Variants in PLXNA4 observed in about 807,000 individuals in gnomAD.
PLXNA4 encodes plexin-A4.
A neutral mutation model predicts 191.8 loss-of-function variants in PLXNA4; 44 were observed. The observed-to-expected ratio is 0.23, with a 90% confidence interval of 0.18 to 0.29. PLXNA4 has a LOEUF of 0.29. PLXNA4 is among the 10% of genes least tolerant of loss of function. The probability of loss-of-function intolerance (pLI) is 1.00; values close to 1 mark genes in which losing one functional copy is unlikely to be tolerated. For missense variants in PLXNA4, 1,800 were observed against 2,488.8 expected (o/e 0.72, Z 5.89); for synonymous variants, 1,082 against 1,009.5 (o/e 1.07, Z -1.36).
At chr7:132,467,930 C>G (rs1796772850) in intron 3 of PLXNA4, among the ~76,000 whole-genome samples, 1 of 152,222 alleles carries the variant, frequency 6.6e-6, no homozygotes, top group South Asian at 2.1e-4. Context: ...CTTAATGAAA[C>G]ACCTGTCCCC....
intron 3 of PLXNA4, among the ~76,000 whole-genome samples, chr7:132,400,769 A>G (rs1683764002): frequency 6.6e-6 from 1 of 152,208 alleles, no homozygotes. Flanking sequence ...CTCCTCGGGA[A>G]AGCTCCCTGC....
chr7:132,346,310 T>C (rs1388819961), intron 3 of PLXNA4, among the ~76,000 whole-genome samples: 1 of 152,226 alleles, frequency 6.6e-6, no homozygotes. Context: ...TTTGGTCCAC[T>C]ATCAGGAAGG....
intron 4 of PLXNA4, among the ~76,000 whole-genome samples, chr7:132,247,539 G>A (rs967636363): frequency 6.6e-6 from 1 of 152,202 alleles, no homozygotes; most frequent in African/African-American, 2.4e-5. Context: ...CCCGAGCAGA[G>A]GAAGTAGAGT....
At chr7:132,582,441 A>G (rs1325654234) in intron 2 of PLXNA4, among the ~76,000 whole-genome samples, 1 of 152,196 alleles carries the variant, frequency 6.6e-6, no homozygotes, top group Non-Finnish European at 1.5e-5. Flanking sequence ...GCCCTCATAC[A>G]GTCTGCTCCC....
intron 1 of PLXNA4, among the ~76,000 whole-genome samples, chr7:132,521,478 C>T (rs925400788): frequency 1.2e-4 from 18 of 152,258 alleles, no homozygotes; most frequent in African/African-American, 4.1e-4. Context: ...GATTTGGGTC[C>T]CAGTCTCCGA....
At chr7:132,146,399 G>A in intron 28 of PLXNA4, 111 bp downstream of exon 28, 5 of 1,571,154 alleles carry the variant, frequency 3.2e-6, no homozygotes, top group Non-Finnish European at 4.4e-6. Context: ...GGGTAATAGA[G>A]TGGGCACCAG....
At chr7:132,385,330 T>C (rs758084438) in intron 3 of PLXNA4, 2 of 1,590,288 alleles carry the variant, frequency 1.3e-6, no homozygotes, top group East Asian at 4.5e-5. Context: ...ACTTAGACCA[T>C]GGTGCACAAG....
At chr7:132,484,807 A>G (rs1797480364) in intron 3 of PLXNA4, 14 of 1,613,650 alleles carry the variant, frequency 8.7e-6, no homozygotes, top group Non-Finnish European at 1.0e-5. Flanking sequence ...TCAAATTTCC[A>G]GAGTAATTTT....
chr7:132,470,343 TG>T (rs1432144207), intron 3 of PLXNA4, among the ~76,000 whole-genome samples: 1 of 152,162 alleles, frequency 6.6e-6, no homozygotes, highest in Non-Finnish European at 1.5e-5. Flanking sequence ...CAAAGTTTGG[TG>T]GGATTGTCAG....
intron 3 of PLXNA4, among the ~76,000 whole-genome samples, chr7:132,397,666 C>G (rs1245749168): frequency 6.6e-6 from 1 of 152,236 alleles, no homozygotes; most frequent in Non-Finnish European, 1.5e-5. Context: ...CCCACTGTCT[C>G]TACCACCTGA....
chr7:132,569,120 A>C (rs1801860951), intron 1 of PLXNA4, among the ~76,000 whole-genome samples: 1 of 152,226 alleles, frequency 6.6e-6, no homozygotes, highest in African/African-American at 2.4e-5. Context: ...ACAGCAGACC[A>C]GAAGGACCTG....
intron 4 of PLXNA4, among the ~76,000 whole-genome samples, chr7:132,278,447 T>C (rs1243644030): frequency 6.6e-6 from 1 of 152,190 alleles, no homozygotes; most frequent in East Asian, 1.9e-4. Flanking sequence ...TCTTTATTTC[T>C]TTGTTTTCAA....
chr7:132,385,081 T>G (rs1339515479), intron 3 of PLXNA4: 1 of 1,541,714 alleles, frequency 6.5e-7, no homozygotes, highest in African/African-American at 1.4e-5. Context: ...TGAGCTATGA[T>G]GTATGGCTGG....
At chr7:132,373,154 T>C (rs1444896329) in intron 3 of PLXNA4, among the ~76,000 whole-genome samples, 1 of 152,142 alleles carries the variant, frequency 6.6e-6, no homozygotes, top group African/African-American at 2.4e-5. Context: ...CATGATGTGG[T>C]CAGGCAGTAG....
intron 3 of PLXNA4, among the ~76,000 whole-genome samples, chr7:132,447,966 A>G (rs1231590189): frequency 1.3e-5 from 2 of 152,104 alleles, no homozygotes; most frequent in Admixed American, 1.3e-4. Context: ...AGCCAAGATG[A>G]TGGCGCTGCA....
chr7:132,247,401 A>G (rs900271829), intron 4 of PLXNA4, among the ~76,000 whole-genome samples: 43 of 151,734 alleles, frequency 2.8e-4, no homozygotes, highest in African/African-American at 9.9e-4. Flanking sequence ...CAAAATTGTC[A>G]AAAAAGAAAG....
At chr7:132,643,473 A>G (rs1803793992) in intron 2 of PLXNA4, among the ~76,000 whole-genome samples, 2 of 150,326 alleles carry the variant, frequency 1.3e-5, no homozygotes, top group African/African-American at 4.9e-5. Context: ...CAAATGCTGC[A>G]TAATCAAGCT....
intron 3 of PLXNA4, among the ~76,000 whole-genome samples, chr7:132,345,189 C>T (rs557124826): frequency 2.6e-5 from 4 of 152,250 alleles, no homozygotes; most frequent in East Asian, 1.9e-4. Flanking sequence ...TAACACATTA[C>T]GGCTGGTTAC....
chr7:132,401,182 A>G (rs1447145119), intron 3 of PLXNA4, among the ~76,000 whole-genome samples: 1 of 152,216 alleles, frequency 6.6e-6, no homozygotes, highest in Non-Finnish European at 1.5e-5. Context: ...GTACCAGTCA[A>G]TTTTCCATTT....
Sources: allele counts gnomAD v4.1 joint callset (sites outside exome capture counted in the v4.1 genomes callset), GRCh38; gene constraint gnomAD v4.1.1; transcripts MANE v1.5; gene names NCBI Gene and HGNC (gene_info 2026-07-23, HGNC 2026-07-21).